DDX10: variants seen among roughly 807,000 people sequenced by gnomAD.
The protein encoded by DDX10 is DEAD-box helicase 10.
DDX10 carries 74 observed loss-of-function variants against 104.3 expected under a neutral mutation model. The observed-to-expected ratio is 0.71, with a 90% CI of 0.59 to 0.86. The LOEUF (loss-of-function observed/expected upper bound fraction) is 0.86, where lower values mean the gene tolerates loss of function less well. Ranked by LOEUF, DDX10 falls within the 40% of genes least tolerant of loss-of-function variation. The pLI, the probability that DDX10 is intolerant of heterozygous loss-of-function variation, is 0.00. For synonymous variants in DDX10, 351 were observed against 353.4 expected, an observed-to-expected ratio of 0.99 and a Z score of 0.08; for missense variants, 952 against 1,040.0, an observed-to-expected ratio of 0.92 and a Z score of 1.16.
At chr11:108,857,737 C>A (rs1425805398) in intron 16 of DDX10, among the ~76,000 whole-genome samples, 1 of 152,202 alleles carries the variant, frequency 6.6e-6, no homozygotes, top group Non-Finnish European at 1.5e-5. Context: ...ATGGCAGAGC[C>A]AGGATGCAAA....
intron 13 of DDX10, among the ~76,000 whole-genome samples, chr11:108,824,103 C>T (rs939329526): frequency 1.3e-5 from 2 of 152,112 alleles, no homozygotes; most frequent in South Asian, 2.1e-4. Flanking sequence ...AGTGCAATGG[C>T]GCAATCTTGG....
chr11:108,879,823 T>C (rs1333231704), intron 16 of DDX10, among the ~76,000 whole-genome samples: 7 of 152,164 alleles, frequency 4.6e-5, no homozygotes. Flanking sequence ...AAACAAGCCT[T>C]GTCAGAATGT....
At chr11:108,728,504 CTTTTTTTTTTTTTTTT>C (rs71050884) in intron 13 of DDX10, among the ~76,000 whole-genome samples, 73,880 of 123,176 alleles carry the variant, frequency 0.6, 20,976 homozygotes, top group Admixed American at 0.68. Context: ...CACATTTGTT[CTTTTTTTTTTTTTTTT>C]TTTTTTTTTT....
At chr11:108,784,460 T>C (rs1000661844) in intron 13 of DDX10, among the ~76,000 whole-genome samples, 14 of 152,188 alleles carry the variant, frequency 9.2e-5, no homozygotes, top group African/African-American at 3.1e-4. Context: ...CTCAGCTCAC[T>C]GCAGCCTTGA....
At chr11:108,915,383 C>CT (rs1424338065) in intron 16 of DDX10, among the ~76,000 whole-genome samples, 1 of 149,768 alleles carries the variant, frequency 6.7e-6, no homozygotes, top group East Asian at 1.9e-4. Context: ...CAATATTTGA[C>CT]TTTGGAAAAT....
intron 9 of DDX10, among the ~76,000 whole-genome samples, chr11:108,699,409 G>C (rs1171722092): frequency 6.6e-6 from 1 of 152,126 alleles, no homozygotes; most frequent in African/African-American, 2.4e-5. Flanking sequence ...GGTACTTTAA[G>C]GTTCAGCTAG....
At chr11:108,902,840 A>G (rs938731084) in intron 16 of DDX10, among the ~76,000 whole-genome samples, 4 of 152,176 alleles carry the variant, frequency 2.6e-5, no homozygotes, top group Non-Finnish European at 4.4e-5. Flanking sequence ...ATTATTAAAT[A>G]ATCCTTTCCA....
rs182479050 is a variant in DDX10, at chr11:108,796,533, T to G, written c.1966-41913T>G. 7.7e-3 allele frequency among the ~76,000 whole-genome samples: 1,174 copies of G among 152,296 alleles called. 8 individuals carry two copies. The highest frequency in any genetic ancestry group is 0.011 in the Non-Finnish European group (729 of 68,018). ...CGATAGCTAAAATGACATAGAAAGATTTTTATTATCTGGGATGACAGACTT... is the reference window on the plus strand; with the variant it reads ...CGATAGCTAAAATGACATAGAAAGAGTTTTATTATCTGGGATGACAGACTT... On this transcript the variant is annotated intron_variant, in intron 13 of 17. Coordinates refer to ENST00000322536, the MANE Select transcript of DDX10 (RefSeq NM_004398.4).
intron 16 of DDX10, among the ~76,000 whole-genome samples, chr11:108,890,851 C>T (rs1863366495): frequency 6.6e-6 from 1 of 152,110 alleles, no homozygotes; most frequent in Non-Finnish European, 1.5e-5. Flanking sequence ...AGAAATCCCA[C>T]CTGTACATGC....
At chr11:108,853,873 C>T (rs1479278894) in intron 16 of DDX10, among the ~76,000 whole-genome samples, 2 of 152,178 alleles carry the variant, frequency 1.3e-5, no homozygotes, top group Non-Finnish European at 2.9e-5. Context: ...CACTAAGCAT[C>T]GGACTAAGAA....
intron 13 of DDX10, among the ~76,000 whole-genome samples, chr11:108,776,031 A>G (rs2094369430): frequency 6.6e-6 from 1 of 152,280 alleles, no homozygotes. Flanking sequence ...ATATACAGCA[A>G]TATGTTTAGC....
At chr11:108,826,791 G>T (rs1172445372) in intron 13 of DDX10, among the ~76,000 whole-genome samples, 1 of 152,172 alleles carries the variant, frequency 6.6e-6, no homozygotes, top group Non-Finnish European at 1.5e-5. Flanking sequence ...CCTTGATCCA[G>T]AACACTGAAG....
intron 13 of DDX10, among the ~76,000 whole-genome samples, chr11:108,786,686 A>G (rs1483172664): frequency 6.6e-6 from 1 of 151,890 alleles, no homozygotes; most frequent in African/African-American, 2.4e-5. Context: ...CCTGCTCTTT[A>G]TTTTCCATTT....
chr11:108,745,279 G>C, intron 13 of DDX10, among the ~76,000 whole-genome samples: 1 of 125,206 alleles, frequency 8.0e-6, no homozygotes, highest in Non-Finnish European at 1.6e-5. Flanking sequence ...CTTTCCTTCC[G>C]TCTTACTCTG....
intron 10 of DDX10, among the ~76,000 whole-genome samples, chr11:108,713,639 C>T (rs2094287464): frequency 1.3e-5 from 2 of 152,190 alleles, no homozygotes; most frequent in Non-Finnish European, 2.9e-5. Flanking sequence ...TCCAACATCC[C>T]TGCCATGTCT....
At chr11:108,839,496 C>T (rs190484656) in intron 14 of DDX10, among the ~76,000 whole-genome samples, 123 of 152,118 alleles carry the variant, frequency 8.1e-4, no homozygotes, top group Non-Finnish European at 1.2e-3. Flanking sequence ...ATAATAAGCC[C>T]TCACAAAAAT....
At chr11:108,879,072 C>T (rs888957936) in intron 16 of DDX10, among the ~76,000 whole-genome samples, 9 of 152,034 alleles carry the variant, frequency 5.9e-5, no homozygotes, top group African/African-American at 1.7e-4. Flanking sequence ...GGCGCGATCT[C>T]GGCTCACTGC....
At chr11:108,721,329 G>A (rs963885067) in intron 12 of DDX10, among the ~76,000 whole-genome samples, 3 of 152,142 alleles carry the variant, frequency 2.0e-5, no homozygotes. Context: ...GTTGTTGTTT[G>A]CTCATATGTT....
At chr11:108,821,499 G>A (rs1862324815) in intron 13 of DDX10, among the ~76,000 whole-genome samples, 1 of 152,110 alleles carries the variant, frequency 6.6e-6, no homozygotes. Context: ...TTCTAAGGTA[G>A]GAGATAGAAA....
Sources: gnomAD v4.1 joint callset for allele counts (sites outside exome capture counted in the v4.1 genomes callset) on GRCh38, gnomAD v4.1.1 for gene constraint, MANE v1.5 for transcripts, NCBI Gene and HGNC (gene_info 2026-07-23, HGNC 2026-07-21) for gene names.